Variants in MOSMO observed in about 807,000 individuals in gnomAD.
MOSMO encodes the protein modulator of smoothened protein.
MOSMO carries 5 observed loss-of-function variants against 18.4 expected under a neutral mutation model. That is an observed-to-expected ratio of 0.27 (90% CI 0.14 to 0.57). The LOEUF (loss-of-function observed/expected upper bound fraction) is 0.57. Among genes scored for constraint, MOSMO ranks in the 20% least tolerant of loss-of-function variants. The pLI is 0.92. For missense variants in MOSMO, 138 were observed against 211.8 expected (o/e 0.65, Z 2.16); for synonymous variants, 82 against 82.3 (o/e 1.00, Z 0.02).
At chr16:22,037,742 A>G (rs1310722262) in intron 1 of MOSMO, among the ~76,000 whole-genome samples, 1 of 152,198 alleles carries the variant, frequency 6.6e-6, no homozygotes, top group African/African-American at 2.4e-5. Flanking sequence ...GAAGGATACT[A>G]CAAAGAATAC....
intron 1 of MOSMO, among the ~76,000 whole-genome samples, chr16:22,018,655 A>C (rs958607974): frequency 1.3e-5 from 2 of 152,228 alleles, no homozygotes; most frequent in African/African-American, 4.8e-5. Context: ...GATTATGTTT[A>C]AGCAAATGAA....
intron 1 of MOSMO, among the ~76,000 whole-genome samples, chr16:22,041,806 C>T (rs1417425873): frequency 1.3e-5 from 2 of 151,876 alleles, no homozygotes; most frequent in East Asian, 1.9e-4. Context: ...TCCTTAGTAG[C>T]TGGGACTACA....
chr16:22,010,265 G>T (rs1390338033), intron 1 of MOSMO, among the ~76,000 whole-genome samples: 1 of 152,268 alleles, frequency 6.6e-6, no homozygotes, highest in South Asian at 2.1e-4. Context: ...AATTGTAAAA[G>T]ATATGAAGAA....
intron 1 of MOSMO, among the ~76,000 whole-genome samples, chr16:22,070,667 T>A (rs1900830800): frequency 6.6e-6 from 1 of 152,196 alleles, no homozygotes; most frequent in Non-Finnish European, 1.5e-5. Flanking sequence ...TCACTCTTTT[T>A]TTTTGGCCAG....
At chr16:22,071,294 T>C (rs1567514243) in intron 1 of MOSMO, among the ~76,000 whole-genome samples, 1 of 152,170 alleles carries the variant, frequency 6.6e-6, no homozygotes, top group Non-Finnish European at 1.5e-5. Flanking sequence ...AAGAAGATAA[T>C]AGCTAATGTT....
chr16:22,022,249 C>T (rs935135835), intron 1 of MOSMO, among the ~76,000 whole-genome samples: 1 of 151,866 alleles, frequency 6.6e-6, no homozygotes, highest in Non-Finnish European at 1.5e-5. Context: ...CAAACTCCTC[C>T]TGAACTCAAG....
downstream of MOSMO, among the ~76,000 whole-genome samples, chr16:22,089,809 C>T (rs1350012462): frequency 6.6e-6 from 1 of 152,074 alleles, no homozygotes; most frequent in Non-Finnish European, 1.5e-5. Flanking sequence ...CCCACTTTCT[C>T]TTAGATATTG....
intron 1 of MOSMO, among the ~76,000 whole-genome samples, chr16:22,033,643 G>A (rs572975859): frequency 2.0e-5 from 3 of 151,424 alleles, no homozygotes; most frequent in East Asian, 2.0e-4. Context: ...TTGAAACCCC[G>A]TCTCTACTAA....
intron 2 of MOSMO, among the ~76,000 whole-genome samples, chr16:22,077,406 T>C (rs1210699130): frequency 6.6e-6 from 1 of 152,200 alleles, no homozygotes; most frequent in African/African-American, 2.4e-5. Context: ...CTTTTTGAAA[T>C]AATATGTGCA....
chr16:22,046,634 C>T (rs1900314525), intron 1 of MOSMO, among the ~76,000 whole-genome samples: 1 of 152,088 alleles, frequency 6.6e-6, no homozygotes, highest in African/African-American at 2.4e-5. Flanking sequence ...GGCACTTGAG[C>T]ACTATAATTG....
At chr16:22,033,481 G>A (rs1455997164) in intron 1 of MOSMO, among the ~76,000 whole-genome samples, 2 of 151,724 alleles carry the variant, frequency 1.3e-5, no homozygotes, top group Non-Finnish European at 2.9e-5. Context: ...TCGGCCTCCT[G>A]GGTTCAGGCA....
chr16:22,021,600 C>G (rs1196058711), intron 1 of MOSMO, among the ~76,000 whole-genome samples: 1 of 152,088 alleles, frequency 6.6e-6, no homozygotes, highest in Non-Finnish European at 1.5e-5. Context: ...GAGTTCGAGA[C>G]CAGCCTGGGC....
chr16:22,060,004 G>A (rs1194143315), intron 1 of MOSMO, among the ~76,000 whole-genome samples: 1 of 152,072 alleles, frequency 6.6e-6, no homozygotes, highest in Non-Finnish European at 1.5e-5. Flanking sequence ...TGGTGAAAAT[G>A]TGTCTCTACC....
Position 22,075,608 on chromosome 16 carries a change from C to A in MOSMO, c.228C>A (p.Ile76=). 1.3e-6 allele frequency: 2 copies of A among 1,537,364 alleles called. No homozygotes were observed. The highest frequency in any genetic ancestry group is 1.2e-5 in the South Asian group (1 of 84,064). Residue 76 remains isoleucine, a synonymous_variant, in exon 2 of 3, where the codon ATC becomes ATA. Coordinates refer to ENST00000542527, the MANE Select transcript of MOSMO (RefSeq NM_001164579.2). The stretch of plus-strand genomic sequence containing the variant: ...CACTGTTTTTTATCATCATGGGAAT[C>A]ATTTCATTGACTGTCACATGTGGTT... ...VTTLFFIIMG[I]ISLTVTCGLL... is the part of the protein sequence containing the mutation.
At chr16:22,044,924 C>T (rs1900277890) in intron 1 of MOSMO, among the ~76,000 whole-genome samples, 1 of 151,800 alleles carries the variant, frequency 6.6e-6, no homozygotes, top group Admixed American at 6.6e-5. Flanking sequence ...ACATGTAATC[C>T]CAACACTTTG....
intron 1 of MOSMO, among the ~76,000 whole-genome samples, chr16:22,060,210 A>G (rs960240184): frequency 6.6e-6 from 1 of 152,100 alleles, no homozygotes; most frequent in African/African-American, 2.4e-5. Context: ...TCAAAATATA[A>G]AACATTTGTC....
chr16:22,088,603 G>T (rs1901233222), downstream of MOSMO, among the ~76,000 whole-genome samples: 2 of 152,162 alleles, frequency 1.3e-5, no homozygotes, highest in Non-Finnish European at 2.9e-5. Context: ...AATAATAGTG[G>T]CATTCTCTAC....
chr16:22,040,243 G>A (rs1257755831), intron 1 of MOSMO, among the ~76,000 whole-genome samples: 2 of 152,046 alleles, frequency 1.3e-5, no homozygotes, highest in Non-Finnish European at 2.9e-5. Flanking sequence ...CATAAGAGGG[G>A]AACAACACAC....
At chr16:22,061,595 C>G (rs1900646096) in intron 1 of MOSMO, among the ~76,000 whole-genome samples, 1 of 152,202 alleles carries the variant, frequency 6.6e-6, no homozygotes, top group Admixed American at 6.5e-5. Context: ...ATACATCCTA[C>G]AGTGTATTGC....
Sources: allele counts gnomAD v4.1 joint callset (sites outside exome capture counted in the v4.1 genomes callset), GRCh38; gene constraint gnomAD v4.1.1; transcripts MANE v1.5; gene names NCBI Gene and HGNC (gene_info 2026-07-23, HGNC 2026-07-21).